The following NTM variants were observed in gnomAD, a reference collection of about 807,000 sequenced individuals.
NTM encodes neurotrimin, also known as IgLON family member 2.
Under a neutral mutation model 42.1 loss-of-function variants are expected in NTM, and 13 were observed. The observed-to-expected ratio is 0.31, with a 90% CI of 0.20 to 0.49. NTM has a LOEUF of 0.49. Among genes scored for constraint, NTM ranks in the 20% least tolerant of loss-of-function variants. The probability of loss-of-function intolerance (pLI) is 0.99; values close to 1 mark genes in which losing one functional copy is unlikely to be tolerated. For synonymous variants in NTM, 187 were observed against 179.2 expected (o/e 1.04, Z -0.35); for missense variants, 373 against 452.8 (o/e 0.82, Z 1.60).
chr11:132,292,787 T>TAAAAAAAAAAAA (rs61603794), intron 4 of NTM, among the ~76,000 whole-genome samples: 19 of 56,572 alleles, frequency 3.4e-4, no homozygotes, highest in African/African-American at 5.0e-4. Flanking sequence ...GATGTAAAAG[T>TAAAAAAAAAAAA]AAAAAAAAAA....
chr11:132,014,543 G>A (rs1166084084), intron 2 of NTM, among the ~76,000 whole-genome samples: 1 of 151,442 alleles, frequency 6.6e-6, no homozygotes, highest in Non-Finnish European at 1.5e-5. Flanking sequence ...TCTGCTTTCT[G>A]CATTATTTTT....
At chr11:132,310,856 T>C (rs2095259355) in intron 6 of NTM, among the ~76,000 whole-genome samples, 1 of 152,148 alleles carries the variant, frequency 6.6e-6, no homozygotes, top group South Asian at 2.1e-4. Flanking sequence ...CTTTATCAAA[T>C]GACATATCAG....
chr11:131,446,345 G>A (rs896588007), intron 1 of NTM, among the ~76,000 whole-genome samples: 5 of 152,196 alleles, frequency 3.3e-5, no homozygotes, highest in Middle Eastern at 3.4e-3. Context: ...GATGGAAACC[G>A]CCTGTGCATT....
At chr11:131,809,463 G>T (rs530869683) in intron 1 of NTM, among the ~76,000 whole-genome samples, 1 of 152,296 alleles carries the variant, frequency 6.6e-6, no homozygotes, top group African/African-American at 2.4e-5. Context: ...CACTGCTGTG[G>T]CCCCGGTGAG....
rs2071503666 is a variant in NTM at position 132,150,056 on chromosome 11, C to G, written c.400+3542C>G. Among the ~76,000 whole-genome samples, 3 of 152,224 alleles carry G rather than the reference C, an allele frequency of 2.0e-5. No homozygotes were observed. The South Asian group carries it at 6.2e-4, about 32-fold the overall frequency. ...GTTTATTTGGCTCATGGTTCTGCAG[C>G]CTGTACAAGCACAGCACCAACATTT... On this transcript the variant is annotated intron_variant, in intron 3 of 8. Coordinates refer to ENST00000683400, the MANE Select transcript of NTM (RefSeq NM_001352005.2).
At chr11:132,212,610 TTTG>T (rs1323105994) in intron 4 of NTM, among the ~76,000 whole-genome samples, 2 of 152,162 alleles carry the variant, frequency 1.3e-5, no homozygotes, top group African/African-American at 2.4e-5. Context: ...TTTTTGTGGT[TTTG>T]TTGTTGTTTT....
intron 2 of NTM, among the ~76,000 whole-genome samples, chr11:132,113,834 A>G (rs2063540167): frequency 6.6e-6 from 1 of 152,162 alleles, no homozygotes; most frequent in Non-Finnish European, 1.5e-5. Context: ...TAGAGAGACA[A>G]AGGGCTGGCT....
intron 1 of NTM, among the ~76,000 whole-genome samples, chr11:131,514,956 C>G (rs408101): frequency 0.15 from 22,839 of 152,086 alleles, 1,912 homozygotes; most frequent in Middle Eastern, 0.22. Flanking sequence ...GTCACTCAGG[C>G]TGGAGTGCAT....
chr11:132,185,985 C>T (rs1161923654), intron 3 of NTM, among the ~76,000 whole-genome samples: 1 of 152,228 alleles, frequency 6.6e-6, no homozygotes, highest in African/African-American at 2.4e-5. Flanking sequence ...CTATTCATCG[C>T]TTTCCCACCC....
chr11:131,902,098 A>G (rs533307738), intron 1 of NTM, among the ~76,000 whole-genome samples: 133 of 152,260 alleles, frequency 8.7e-4, no homozygotes, highest in Admixed American at 1.9e-3. Context: ...TGGACCAACA[A>G]GGTGAAAGTC....
chr11:131,754,109 A>G (rs1484484739), intron 1 of NTM, among the ~76,000 whole-genome samples: 1 of 126,826 alleles, frequency 7.9e-6, no homozygotes, highest in Non-Finnish European at 1.6e-5. Flanking sequence ...AGGAAGGGGA[A>G]TATCACACAC....
chr11:131,834,521 C>A (rs2043219773), intron 1 of NTM, among the ~76,000 whole-genome samples: 1 of 151,410 alleles, frequency 6.6e-6, no homozygotes, highest in Admixed American at 6.6e-5. Context: ...TCATCCTAAT[C>A]ATCCCTGTCA....
intron 1 of NTM, among the ~76,000 whole-genome samples, chr11:131,759,003 A>G (rs909337956): frequency 5.9e-5 from 9 of 152,220 alleles, no homozygotes; most frequent in African/African-American, 2.2e-4. Flanking sequence ...AACCACCCTC[A>G]ATAACTCCAT....
intron 1 of NTM, among the ~76,000 whole-genome samples, chr11:131,902,852 CTT>C (rs929108546): frequency 5.9e-5 from 9 of 152,276 alleles, no homozygotes; most frequent in African/African-American, 2.2e-4. Flanking sequence ...GGCACTTAGC[CTT>C]TTATATACAA....
intron 1 of NTM, among the ~76,000 whole-genome samples, chr11:131,514,049 GATAATA>G (rs1031332640): frequency 1.1e-4 from 16 of 152,076 alleles, no homozygotes; most frequent in Middle Eastern, 6.8e-3. Flanking sequence ...TATTATTAAT[GATAATA>G]ATAATAATGG....
intron 3 of NTM, among the ~76,000 whole-genome samples, chr11:132,161,230 T>C (rs946954705): frequency 2.0e-5 from 3 of 152,106 alleles, no homozygotes. Context: ...TCTCCCCCAC[T>C]GGAGTGAGTG....
intron 3 of NTM, among the ~76,000 whole-genome samples, chr11:132,171,755 A>G (rs1264113669): frequency 6.6e-6 from 1 of 152,254 alleles, no homozygotes; most frequent in African/African-American, 2.4e-5. Context: ...ATTCATTGGA[A>G]TAGTTCAAGA....
At chr11:132,110,654 G>T (rs1045005226) in intron 2 of NTM, among the ~76,000 whole-genome samples, 2 of 152,110 alleles carry the variant, frequency 1.3e-5, no homozygotes, top group Non-Finnish European at 2.9e-5. Flanking sequence ...CTAAATATAT[G>T]TTCAAAATTT....
intron 2 of NTM, among the ~76,000 whole-genome samples, chr11:131,931,858 A>C (rs143632707): frequency 2.0e-5 from 3 of 152,308 alleles, no homozygotes; most frequent in African/African-American, 7.2e-5. Context: ...GTGCCATGGC[A>C]GCCAAAATAC....
Sources: gnomAD v4.1 joint callset for allele counts (sites outside exome capture counted in the v4.1 genomes callset) on GRCh38, gnomAD v4.1.1 for gene constraint, MANE v1.5 for transcripts, NCBI Gene and HGNC (gene_info 2026-07-23, HGNC 2026-07-21) for gene names.